MOCOS: variants seen among roughly 807,000 people sequenced by gnomAD.
The protein encoded by MOCOS is human molybdenum cofactor sulfurase.
In MOCOS, 86 loss-of-function variants were observed where a neutral mutation model predicts 83.6. That is an observed-to-expected ratio of 1.03 (90% CI 0.86 to 1.23). The LOEUF (loss-of-function observed/expected upper bound fraction) is 1.23, where lower values mean the gene tolerates loss of function less well. Ranked by LOEUF, MOCOS falls within the 50% of genes most tolerant of loss-of-function variation. The probability of loss-of-function intolerance (pLI) is 0.00; values close to 1 mark genes in which losing one functional copy is unlikely to be tolerated. For missense variants in MOCOS, 1,120 were observed against 1,126.9 expected, an observed-to-expected ratio of 0.99 and a Z score of 0.09; for synonymous variants, 445 against 434.7, an observed-to-expected ratio of 1.02 and a Z score of -0.29.
intron 8 of MOCOS, among the ~76,000 whole-genome samples, chr18:36,217,034 A>G (rs992111105): frequency 6.6e-6 from 1 of 152,224 alleles, no homozygotes; most frequent in Non-Finnish European, 1.5e-5. Flanking sequence ...GTGAAAGACA[A>G]GAGGAGACTG....
chr18:36,256,662 C>T (rs1173199270), intron 11 of MOCOS, among the ~76,000 whole-genome samples: 1 of 152,014 alleles, frequency 6.6e-6, no homozygotes, highest in Non-Finnish European at 1.5e-5. Flanking sequence ...GTTGGTCAGG[C>T]TGGTGTCGAA....
intron 12 of MOCOS, 41 bp from the exon 13 acceptor site, chr18:36,259,996 C>T: frequency 1.2e-6 from 2 of 1,612,360 alleles, no homozygotes; most frequent in African/African-American, 2.7e-5. Context: ...CAATTATCTG[C>T]CATCCTCCCC....
intron 8 of MOCOS, among the ~76,000 whole-genome samples, chr18:36,218,835 TA>T (rs1400426133): frequency 1.4e-5 from 2 of 138,532 alleles, no homozygotes; most frequent in African/African-American, 5.5e-5. Flanking sequence ...CACTTTATTT[TA>T]TTTTATTTAT....
intron 9 of MOCOS, among the ~76,000 whole-genome samples, chr18:36,241,962 G>A (rs2091585244): frequency 6.6e-6 from 1 of 152,202 alleles, no homozygotes; most frequent in Non-Finnish European, 1.5e-5. Context: ...GTGGGGCCCT[G>A]AGCCTGACCC....
At position 36,200,277 on chromosome 18, in the gene MOCOS, C is replaced by A; in HGVS notation, c.894C>A (p.Tyr298Ter). ...TYFGGGTASA[Y>*]LAGEDFYIPR... ...TTGGAGGAGGGACAGCCTCTGCGTACCTAGCAGGAGAAGACTTCTACATCC... is the reference window on the plus strand; with the variant it reads ...TTGGAGGAGGGACAGCCTCTGCGTAACTAGCAGGAGAAGACTTCTACATCC... The change falls in exon 4 of 15, where the codon TAC becomes TAA. Residue 298 changes from tyrosine to a stop codon, truncating the protein, a stop_gained. Coordinates refer to ENST00000261326, the MANE Select transcript of MOCOS (RefSeq NM_017947.4). LOFTEE classifies it high-confidence loss of function. 6.2e-7 allele frequency: 1 copy of A among 1,614,142 alleles called. No individual in the cohort carries two copies. The highest frequency in any genetic ancestry group is 8.5e-7 in the Non-Finnish European group (1 of 1,180,002).
At position 36,200,114 on chromosome 18, in the gene MOCOS, G is replaced by A. The variant is rs780541185; in HGVS notation, c.731G>A (p.Ser244Asn). 1.2e-6 allele frequency: 2 copies of A among 1,614,118 alleles called. No individual in the cohort carries two copies. Among genetic ancestry groups the A allele is most frequent in the African/African-American group, 1.3e-5 (1 of 74,936 alleles). Residue 244 changes from serine (S) to asparagine (N), a missense_variant, in exon 4 of 15, where the codon AGC becomes AAC. By Grantham distance (46) the Ser-to-Asn change is conservative. Coordinates refer to ENST00000261326, the MANE Select transcript of MOCOS (RefSeq NM_017947.4). ...FVLLDAASYV[S>N]TSPLDLSAHQ... is the part of the protein sequence containing the mutation. ...CTGCTGGATGCAGCCTCCTACGTGAGCACCTCGCCTTTGGACCTGTCAGCT... is the reference window on the plus strand; with the variant it reads ...CTGCTGGATGCAGCCTCCTACGTGAACACCTCGCCTTTGGACCTGTCAGCT...
intron 1 of MOCOS, among the ~76,000 whole-genome samples, chr18:36,194,756 C>A (rs66858216): frequency 0.15 from 22,385 of 152,194 alleles, 1,866 homozygotes; most frequent in East Asian, 0.32. Context: ...TCCGCGGTAT[C>A]TCATTTTCAT....
chr18:36,216,471 A>C (rs1287559692), intron 8 of MOCOS, among the ~76,000 whole-genome samples: 3 of 152,216 alleles, frequency 2.0e-5, no homozygotes, highest in Admixed American at 1.3e-4. Flanking sequence ...CATCAAAATA[A>C]GTACTGATAG....
chr18:36,254,593 G>A (rs1462604783), intron 11 of MOCOS, among the ~76,000 whole-genome samples: 5 of 150,110 alleles, frequency 3.3e-5, no homozygotes, highest in Admixed American at 3.3e-4. Context: ...ATATGTGTGT[G>A]TGTATATATA....
chr18:36,241,375 G>C (rs545449204), intron 9 of MOCOS, among the ~76,000 whole-genome samples: 1 of 152,204 alleles, frequency 6.6e-6, no homozygotes, highest in Admixed American at 6.5e-5. Flanking sequence ...CAGTCTCCTT[G>C]TAAGTCTGAA....
At chr18:36,225,276 C>T (rs13381222) in intron 9 of MOCOS, among the ~76,000 whole-genome samples, 9,837 of 152,074 alleles carry the variant, frequency 0.065, 480 homozygotes, top group Non-Finnish European at 0.091. Context: ...CTCAGCCTCC[C>T]GAGTAGCTGG....
intron 8 of MOCOS, among the ~76,000 whole-genome samples, chr18:36,218,117 G>A (rs1316140359): frequency 6.6e-6 from 1 of 152,178 alleles, no homozygotes; most frequent in Non-Finnish European, 1.5e-5. Flanking sequence ...CAGCAGGAGG[G>A]AGCTGCTGGT....
chr18:36,190,143 T>C (rs1212584163), intron 1 of MOCOS: 1 of 152,218 alleles, frequency 6.6e-6, no homozygotes. Flanking sequence ...TGGCACAGTG[T>C]GAGATGCTCC....
At chr18:36,193,846 A>G (rs2091376236) in intron 1 of MOCOS, among the ~76,000 whole-genome samples, 1 of 152,250 alleles carries the variant, frequency 6.6e-6, no homozygotes, top group African/African-American at 2.4e-5. Flanking sequence ...GTACACCAGT[A>G]TTCATACCAG....
intron 6 of MOCOS, among the ~76,000 whole-genome samples, chr18:36,210,837 C>A (rs1277387239): frequency 1.6e-5 from 1 of 64,144 alleles, no homozygotes; most frequent in African/African-American, 5.5e-5. Context: ...GGTGACAGAG[C>A]AAGACTCTGT....
intron 9 of MOCOS, 84 bp from the exon 10 acceptor site, chr18:36,248,838 A>T: frequency 8.8e-7 from 1 of 1,138,230 alleles, no homozygotes; most frequent in Non-Finnish European, 1.3e-6. Flanking sequence ...TGTTTTGGTT[A>T]CTACAGCTTT....
intron 11 of MOCOS, among the ~76,000 whole-genome samples, chr18:36,256,181 C>T (rs555686499): frequency 8.5e-5 from 13 of 152,176 alleles, no homozygotes; most frequent in South Asian, 8.3e-4. Flanking sequence ...AGTGAGCCAC[C>T]GCGCCTAGCC....
At position 36,266,873 on chromosome 18, in the gene MOCOS, A is replaced by G. The variant is rs2091683827; in HGVS notation, c.2514+20A>G. The stretch of plus-strand genomic sequence containing the variant: ...ACAAAGGTAAGCGTGATTGCAAAAT[A>G]TGACACCTGGTTTCCAATCCTGGTG... On this transcript the variant is annotated intron_variant, in intron 14 of 14. Transcript: ENST00000261326. 6.3e-7 allele frequency: 1 copy of G among 1,583,520 alleles called. No homozygotes were observed. Among genetic ancestry groups the G allele is most frequent in the African/African-American group, 1.3e-5 (1 of 74,344 alleles).
At chr18:36,243,935 T>A (rs1355217451) in intron 9 of MOCOS, among the ~76,000 whole-genome samples, 1 of 152,188 alleles carries the variant, frequency 6.6e-6, no homozygotes, top group Admixed American at 6.5e-5. Flanking sequence ...GAATGATCTT[T>A]TGTATTTCTG....
Sources: gnomAD v4.1 joint callset for allele counts (sites outside exome capture counted in the v4.1 genomes callset) on GRCh38, gnomAD v4.1.1 for gene constraint, MANE v1.5 for transcripts, NCBI Gene and HGNC (gene_info 2026-07-23, HGNC 2026-07-21) for gene names.